The following PANK1 variants were observed in gnomAD, a reference collection of about 807,000 sequenced individuals.
The protein encoded by PANK1 is pantothenate kinase 1.
A neutral mutation model predicts 40.1 loss-of-function variants in PANK1; 18 were observed. That is an observed-to-expected ratio of 0.45 (90% CI 0.31 to 0.67). PANK1 has a LOEUF of 0.67. PANK1 is among the 30% of genes least tolerant of loss of function. The probability of loss-of-function intolerance (pLI) is 0.06; values close to 1 mark genes in which losing one functional copy is unlikely to be tolerated. For synonymous variants in PANK1, 242 were observed against 237.7 expected (o/e 1.02, Z -0.17); for missense variants, 457 against 599.6 (o/e 0.76, Z 2.48).
rs144175703 is a variant in PANK1 at position 89,613,730 on chromosome 10, G to T, written c.293-1682C>A. ...AAACTCGCTTGTCCTAGCAGGAGAT[G>T]AAAAAACTGGAAACTGGTCATCCTC... On this transcript the variant is annotated intron_variant, in intron 1 of 6. Coordinates refer to ENST00000307534, the MANE Select transcript of PANK1 (RefSeq NM_148977.3). Among the ~76,000 whole-genome samples, 506 of 152,284 alleles carry T rather than the reference G, an allele frequency of 3.3e-3. 6 individuals are homozygous for T. Among genetic ancestry groups the T allele is most frequent in the African/African-American group, 0.012 (489 of 41,566 alleles).
chr10:89,594,033 A>G, intron 3 of PANK1, 44 bp from the exon 4 acceptor site: 1 of 1,435,206 alleles, frequency 7.0e-7, no homozygotes, highest in Non-Finnish European at 9.8e-7. Context: ...ACTTTAAGAT[A>G]TGCCCATCCA....
intron 1 of PANK1, 64 bp from the exon 2 acceptor site, chr10:89,612,112 A>C: frequency 1.5e-6 from 2 of 1,303,504 alleles, no homozygotes; most frequent in Non-Finnish European, 2.1e-6. Context: ...TCAGTTTTTG[A>C]ATATTAAATA....
chr10:89,637,087 T>C (rs185154807), intron 1 of PANK1, among the ~76,000 whole-genome samples: 29 of 151,738 alleles, frequency 1.9e-4, no homozygotes, highest in Non-Finnish European at 3.4e-4. Context: ...CTCGATCTCC[T>C]GACCTTCTGA....
intron 3 of PANK1, among the ~76,000 whole-genome samples, chr10:89,598,073 A>C (rs541439717): frequency 6.6e-6 from 1 of 152,102 alleles, no homozygotes; most frequent in Admixed American, 6.6e-5. Context: ...AGGCTCAATA[A>C]TTTTTTGTTA....
intron 3 of PANK1, 63 bp from the exon 4 acceptor site, chr10:89,594,052 A>T: frequency 8.5e-7 from 1 of 1,181,830 alleles, no homozygotes; most frequent in South Asian, 1.2e-5. Context: ...CAAGTCCCCA[A>T]CTACGTCAAG....
At position 89,604,642 on chromosome 10, in the gene PANK1, C is replaced by T. The variant is rs140873847; in HGVS notation, c.646-5137G>A. On this transcript the variant is annotated intron_variant, in intron 2 of 6. Transcript: ENST00000307534. ...CCAGGAGGCAGGTGTTGCAGTGAGC[C>T]GAGATCGCATCACTGCACTCCAGCC... Among the ~76,000 whole-genome samples the T allele has an allele frequency of 1.2e-3, 170 of 136,038 alleles. 2 individuals carry two copies. The highest frequency in any genetic ancestry group is 4.4e-3 in the African/African-American group (156 of 35,680). 89.2% of individuals were successfully genotyped at this position (136,038 alleles called of 152,430 possible).
chr10:89,589,022 T>TATG (rs1328005293), intron 5 of PANK1, among the ~76,000 whole-genome samples: 1 of 152,204 alleles, frequency 6.6e-6, no homozygotes, highest in African/African-American at 2.4e-5. Context: ...TTGCAGGTGT[T>TATG]ATGTCAGACT....
rs554800024 is a variant in PANK1 at position 89,598,963 on chromosome 10, CCAATCAT to C, written c.899+282_899+288del. ...TTCCATCTGAATTCTACTGACCCTG[CCAATCAT>C]TTGGCACTTAATGTATGCCTCCTTC... is the stretch of plus-strand genomic sequence containing the variant. On this transcript the variant is annotated intron_variant, in intron 3 of 6. Transcript: ENST00000307534. 1.1e-3 allele frequency among the ~76,000 whole-genome samples: 174 copies of C among 152,298 alleles called. 2 individuals are homozygous for C. Among genetic ancestry groups the C allele is most frequent in the African/African-American group, 4.0e-3 (165 of 41,566 alleles).
chr10:89,603,028 G>C (rs962546009), intron 2 of PANK1, among the ~76,000 whole-genome samples: 4 of 152,044 alleles, frequency 2.6e-5, no homozygotes, highest in African/African-American at 9.7e-5. Context: ...TCCTAATGCT[G>C]ATCCTATAAT....
rs1471239901 is a variant in PANK1, at chr10:89,595,830, AAAAATATATATATATATAT to A, written c.900-1860_900-1842del. 3.8e-3 allele frequency among the ~76,000 whole-genome samples: 251 copies of A among 66,566 alleles called. 10 individuals carry two copies. Among genetic ancestry groups the A allele is most frequent in the South Asian group, 0.011 (19 of 1,712 alleles). 43.7% of individuals were successfully genotyped at this position (66,566 alleles called of 152,430 possible). On this transcript the variant is annotated intron_variant, in intron 3 of 6. Coordinates refer to ENST00000307534, the MANE Select transcript of PANK1 (RefSeq NM_148977.3). The stretch of plus-strand genomic sequence containing the variant: ...GGACTCCATCTTAAAAAAAAAAAAA[AAAAATATATATATATATAT>A]ATATATATATATATATATATATATA...
At chr10:89,642,183 G>C (rs925019698) in intron 1 of PANK1, among the ~76,000 whole-genome samples, 19 of 152,308 alleles carry the variant, frequency 1.2e-4, no homozygotes, top group African/African-American at 4.6e-4. Flanking sequence ...ATGGTGAATA[G>C]TCTCGGCACT....
At chr10:89,622,535 T>TA (rs1488684742) in intron 1 of PANK1, among the ~76,000 whole-genome samples, 1 of 152,072 alleles carries the variant, frequency 6.6e-6, no homozygotes, top group Non-Finnish European at 1.5e-5. Flanking sequence ...AATTTAGCTT[T>TA]AAAAAAATAC....
chr10:89,597,256 A>G (rs565135145), intron 3 of PANK1, among the ~76,000 whole-genome samples: 73 of 152,352 alleles, frequency 4.8e-4, no homozygotes, highest in African/African-American at 1.7e-3. Context: ...TGCTAACTGT[A>G]ATCGTTTATG....
chr10:89,598,227 A>G (rs1301497958), intron 3 of PANK1, among the ~76,000 whole-genome samples: 1 of 152,230 alleles, frequency 6.6e-6, no homozygotes, highest in Non-Finnish European at 1.5e-5. Context: ...CCACTCATTT[A>G]TCACAAGTCA....
At chr10:89,615,199 G>A (rs556602101) in intron 1 of PANK1, among the ~76,000 whole-genome samples, 5 of 152,256 alleles carry the variant, frequency 3.3e-5, no homozygotes, top group Non-Finnish European at 5.9e-5. Flanking sequence ...AGATACTTCC[G>A]CACAACAAGA....
chr10:89,639,114 G>T (rs554549419), intron 1 of PANK1: 7 of 394,624 alleles, frequency 1.8e-5, no homozygotes, highest in African/African-American at 1.2e-4. Context: ...CTGTGACTGG[G>T]TAATTAATAA....
intron 1 of PANK1, among the ~76,000 whole-genome samples, chr10:89,627,499 A>G (rs11185820): frequency 0.23 from 34,824 of 152,158 alleles, 4,268 homozygotes; most frequent in East Asian, 0.49. Flanking sequence ...GGAAAATCGT[A>G]CAGGCTTATT....
chr10:89,617,738 G>T (rs745307135), intron 1 of PANK1, among the ~76,000 whole-genome samples: 4 of 152,130 alleles, frequency 2.6e-5, no homozygotes, highest in Non-Finnish European at 5.9e-5. Context: ...ATAAATAAAG[G>T]CATGGAAGCA....
intron 3 of PANK1, 47 bp downstream of exon 3, chr10:89,599,205 C>A: frequency 1.3e-6 from 2 of 1,553,806 alleles, no homozygotes; most frequent in Admixed American, 1.9e-5. Context: ...ATAAACTGGT[C>A]ATCAAGAAAG....
Sources: gnomAD v4.1 joint callset for allele counts (sites outside exome capture counted in the v4.1 genomes callset) on GRCh38, gnomAD v4.1.1 for gene constraint, MANE v1.5 for transcripts, NCBI Gene and HGNC (gene_info 2026-07-23, HGNC 2026-07-21) for gene names.